Variants in PRRG1 observed in about 807,000 individuals in gnomAD.
PRRG1 encodes proline rich and Gla domain 1.
PRRG1 carries 5 observed loss-of-function variants against 11.8 expected under a neutral mutation model. The ratio of observed to expected loss-of-function variants is 0.42; its 90% CI spans 0.22 to 0.89. The LOEUF (loss-of-function observed/expected upper bound fraction) is 0.89, where lower values mean the gene tolerates loss of function less well. Among genes scored for constraint, PRRG1 ranks in the 40% least tolerant of loss-of-function variants. The probability of loss-of-function intolerance (pLI) is 0.28; values close to 1 mark genes in which losing one functional copy is unlikely to be tolerated. For synonymous variants in PRRG1, 66 were observed against 60.4 expected (o/e 1.09, Z -0.43); for missense variants, 155 against 166.1 (o/e 0.93, Z 0.37).
intron 1 of PRRG1, among the ~76,000 whole-genome samples, chrX:37,381,827 G>A (rs1214439827): frequency 1.8e-5 from 2 of 110,950 alleles, no homozygotes; most frequent in Non-Finnish European, 3.8e-5. Context: ...TCATGATTTG[G>A]TGATAATCTA....
intron 1 of PRRG1, among the ~76,000 whole-genome samples, chrX:37,404,577 A>G (rs1054416380): frequency 3.6e-5 from 4 of 110,774 alleles, no homozygotes; most frequent in African/African-American, 6.6e-5. Flanking sequence ...TGTGCTTCCT[A>G]TAGTGCTAGG....
chrX:37,369,886 G>A (rs1325596103), intron 1 of PRRG1, among the ~76,000 whole-genome samples: 1 of 110,681 alleles, frequency 9.0e-6, no homozygotes, highest in Non-Finnish European at 1.9e-5. Flanking sequence ...TCCCTTTACT[G>A]CCCCTTTGCT....
intron 1 of PRRG1, among the ~76,000 whole-genome samples, chrX:37,381,642 T>C (rs1931157613): frequency 9.0e-6 from 1 of 111,678 alleles, no homozygotes; most frequent in Non-Finnish European, 1.9e-5. Flanking sequence ...CCCTTTGTCA[T>C]GTTTTTCTCA....
At chrX:37,441,649 G>T (rs781910486) in intron 3 of PRRG1, 2 of 799,547 alleles carry the variant, frequency 2.5e-6, no homozygotes, top group South Asian at 5.4e-5. Flanking sequence ...CTTCTACTTC[G>T]ACCGGGACAA....
chrX:37,372,764 G>A (rs190841430), intron 1 of PRRG1, among the ~76,000 whole-genome samples: 1 of 112,575 alleles, frequency 8.9e-6, no homozygotes. Flanking sequence ...TCTGTTTATT[G>A]TTCCCTTGGC....
intron 3 of PRRG1, among the ~76,000 whole-genome samples, chrX:37,429,812 G>A (rs1932808562): frequency 3.6e-5 from 4 of 111,918 alleles, no homozygotes; most frequent in Admixed American, 2.8e-4. Context: ...AAGAAAAAGA[G>A]ATTTAATTGG....
At chrX:37,421,991 G>A (rs1304690430) in intron 2 of PRRG1, among the ~76,000 whole-genome samples, 4 of 111,447 alleles carry the variant, frequency 3.6e-5, no homozygotes, top group Non-Finnish European at 5.7e-5. Context: ...TTACCTTGCC[G>A]CCCAGTACAA....
At chrX:37,367,084 A>G (rs1021883071) in intron 1 of PRRG1, among the ~76,000 whole-genome samples, 21 of 111,799 alleles carry the variant, frequency 1.9e-4, no homozygotes, top group Non-Finnish European at 2.3e-4. Context: ...TTGTGTTTCA[A>G]AGAAACCAAA....
chrX:37,435,207 A>T (rs1932872034), intron 3 of PRRG1, among the ~76,000 whole-genome samples: 1 of 111,698 alleles, frequency 9.0e-6, no homozygotes, highest in East Asian at 2.8e-4. Flanking sequence ...GGGACACAGG[A>T]GGTAACCTAA....
At chrX:37,438,585 C>T (rs1472226793) in intron 3 of PRRG1, among the ~76,000 whole-genome samples, 1 of 109,052 alleles carries the variant, frequency 9.2e-6, no homozygotes, top group Non-Finnish European at 1.9e-5. Context: ...TGAAAGTGCC[C>T]ACCACTACGA....
chrX:37,416,646 T>C (rs1274566087), intron 2 of PRRG1, among the ~76,000 whole-genome samples: 3 of 112,216 alleles, frequency 2.7e-5, no homozygotes, highest in Non-Finnish European at 3.8e-5. Flanking sequence ...TGCTTAGTCA[T>C]GACAAATTAC....
rs1921367490 is a variant in PRRG1 at position 37,456,586 on chromosome X, C to T, written c.*2965C>T. On this transcript the variant is annotated 3_prime_UTR_variant, in exon 4 of 4. Coordinates refer to ENST00000378628, the MANE Select transcript of PRRG1 (RefSeq NM_001142395.2). ...ACAAAATACCACTGTCTTCAAGAAA[C>T]ATTATCTTAGGTTTGTTTGTTTGGT... 8.9e-6 allele frequency: 1 copy of T among 111,961 alleles called. No homozygotes were observed. The highest frequency in any genetic ancestry group is 3.7e-4 in the South Asian group (1 of 2,708). The allele number at this position is 111,961 out of a possible 1,213,427, so 9.2% of individuals were successfully genotyped here.
chrX:37,404,393 A>C (rs920164344), intron 1 of PRRG1, among the ~76,000 whole-genome samples: 1 of 111,896 alleles, frequency 8.9e-6, no homozygotes, highest in Admixed American at 9.5e-5. Flanking sequence ...TTTTATAGTT[A>C]TGTTGACATA....
At chrX:37,376,551 G>GTGTATATATATA (rs1556372318) in intron 1 of PRRG1, among the ~76,000 whole-genome samples, 2 of 26,911 alleles carry the variant, frequency 7.4e-5, no homozygotes, top group Non-Finnish European at 1.9e-4. Context: ...AAATGTGAGT[G>GTGTATATATATA]TATATATATA....
chrX:37,408,520 C>T (rs1322242318), intron 2 of PRRG1, among the ~76,000 whole-genome samples: 2 of 111,521 alleles, frequency 1.8e-5, no homozygotes, highest in African/African-American at 6.5e-5. Flanking sequence ...TTGCCAGGAA[C>T]ATGTTGGGGC....
At chrX:37,366,366 TGTGG>T (rs1930570084) in intron 1 of PRRG1, among the ~76,000 whole-genome samples, 1 of 112,170 alleles carries the variant, frequency 8.9e-6, no homozygotes. Context: ...TTATACCCTG[TGTGG>T]GATAAGCCTA....
chrX:37,415,357 G>A (rs1164598997), intron 2 of PRRG1, among the ~76,000 whole-genome samples: 1 of 111,241 alleles, frequency 9.0e-6, no homozygotes, highest in Admixed American at 9.5e-5. Flanking sequence ...GCAGTGAGCC[G>A]AGATCATACC....
intron 3 of PRRG1, among the ~76,000 whole-genome samples, chrX:37,443,694 A>T (rs1286309814): frequency 8.9e-6 from 1 of 111,753 alleles, no homozygotes; most frequent in African/African-American, 3.3e-5. Flanking sequence ...TCCTTTCTAG[A>T]TGTGGAGAAG....
At chrX:37,399,725 T>C (rs1390548261) in intron 1 of PRRG1, among the ~76,000 whole-genome samples, 8 of 105,233 alleles carry the variant, frequency 7.6e-5, no homozygotes, top group African/African-American at 1.0e-4. Flanking sequence ...GTGTGCTGTA[T>C]TCAGGAAACC....
Sources: gnomAD v4.1 joint callset for allele counts (sites outside exome capture counted in the v4.1 genomes callset) on GRCh38, gnomAD v4.1.1 for gene constraint, MANE v1.5 for transcripts, NCBI Gene and HGNC (gene_info 2026-07-23, HGNC 2026-07-21) for gene names.